Variants in CDH13 observed in about 807,000 individuals in gnomAD.
The protein encoded by CDH13 is cadherin 13, also known as cadherin-13.
A neutral mutation model predicts 63.8 loss-of-function variants in CDH13; 24 were observed. The observed-to-expected ratio is 0.38, with a 90% CI of 0.27 to 0.53. CDH13 has a LOEUF of 0.53. CDH13 is among the 20% of genes least tolerant of loss of function. The pLI, the probability that CDH13 is intolerant of heterozygous loss-of-function variation, is 0.85. For missense variants in CDH13, 1,049 were observed against 903.1 expected (o/e 1.16, Z -2.07); for synonymous variants, 503 against 355.3 (o/e 1.42, Z -4.67).
intron 6 of CDH13, among the ~76,000 whole-genome samples, chr16:83,352,838 C>G (rs563566649): frequency 8.5e-5 from 13 of 152,196 alleles, no homozygotes; most frequent in African/African-American, 2.9e-4. Flanking sequence ...TACAGTGAAC[C>G]GAGATCGTGA....
chr16:82,853,066 T>C (rs2039557825), intron 1 of CDH13, among the ~76,000 whole-genome samples: 1 of 152,210 alleles, frequency 6.6e-6, no homozygotes, highest in African/African-American at 2.4e-5. Flanking sequence ...GAGTGTGATT[T>C]AAGAATTTGC....
chr16:83,347,327 C>T (rs1406951458), intron 6 of CDH13, among the ~76,000 whole-genome samples: 2 of 133,528 alleles, frequency 1.5e-5, no homozygotes, highest in African/African-American at 5.7e-5. Flanking sequence ...ATTCGACACC[C>T]ACTGGGAGTA....
intron 6 of CDH13, among the ~76,000 whole-genome samples, chr16:83,388,377 C>T (rs1166709594): frequency 6.6e-6 from 1 of 151,984 alleles, no homozygotes; most frequent in Non-Finnish European, 1.5e-5. Flanking sequence ...CGCTTGGGCC[C>T]AGAAAGTCGA....
At chr16:82,992,276 C>T (rs1911743988) in intron 2 of CDH13, among the ~76,000 whole-genome samples, 1 of 152,172 alleles carries the variant, frequency 6.6e-6, no homozygotes, top group South Asian at 2.1e-4. Context: ...CTGAAATCAG[C>T]AGCTCTCAAA....
intron 6 of CDH13, among the ~76,000 whole-genome samples, chr16:83,390,283 G>C (rs1398012586): frequency 6.6e-6 from 1 of 152,100 alleles, no homozygotes. Flanking sequence ...TGCTTTCCTA[G>C]TATGGCCTGT....
chr16:83,433,681 A>G (rs1411321249), intron 6 of CDH13, among the ~76,000 whole-genome samples: 1 of 152,214 alleles, frequency 6.6e-6, no homozygotes, highest in Non-Finnish European at 1.5e-5. Flanking sequence ...TCTCAAGTCC[A>G]GTTGTGTGGA....
In CDH13 at chr16:83,798,601, C is replaced by G. The variant is rs467392; in HGVS notation, c.*3571C>G. ...CCTCCAGAACCAAACCTCAGGCTAT[C>G]TGGCTCCAGGGTTCATGTTCTTCCG... is the stretch of plus-strand genomic sequence containing the variant. On this transcript the variant is annotated 3_prime_UTR_variant, in exon 14 of 14. Transcript: ENST00000567109. The G allele has an allele frequency of 0.2, 30,045 of 152,118 alleles. 3,120 individuals are homozygous for G. The highest frequency in any genetic ancestry group is 0.23 in the South Asian group (1,127 of 4,824). The allele number at this position is 152,118 out of a possible 1,614,324, so 9.4% of individuals were successfully genotyped here.
chr16:83,432,482 G>A (rs755790504), intron 6 of CDH13, among the ~76,000 whole-genome samples: 8 of 152,192 alleles, frequency 5.3e-5, no homozygotes, highest in Non-Finnish European at 1.2e-4. Context: ...CGCTTGAGAT[G>A]TTCTTCTGGG....
At chr16:82,946,388 A>G (rs1448377439) in intron 2 of CDH13, among the ~76,000 whole-genome samples, 1 of 152,222 alleles carries the variant, frequency 6.6e-6, no homozygotes, top group South Asian at 2.1e-4. Flanking sequence ...AAGCACCCTG[A>G]TTAAACTTGT....
intron 5 of CDH13, among the ~76,000 whole-genome samples, chr16:83,341,111 A>T (rs11646099): frequency 0.12 from 17,753 of 152,242 alleles, 1,273 homozygotes; most frequent in South Asian, 0.17. Context: ...CAAGCATCAG[A>T]ATGCCTCCCT....
At chr16:83,033,698 A>C (rs1916590735) in intron 3 of CDH13, among the ~76,000 whole-genome samples, 1 of 152,182 alleles carries the variant, frequency 6.6e-6, no homozygotes, top group African/African-American at 2.4e-5. Flanking sequence ...ACTGCCATTC[A>C]GGCTTCCCGA....
intron 8 of CDH13, among the ~76,000 whole-genome samples, chr16:83,610,650 A>G (rs1174542062): frequency 6.6e-6 from 1 of 152,224 alleles, no homozygotes; most frequent in Non-Finnish European, 1.5e-5. Context: ...GTTGTTGCAC[A>G]TAGCCGTAAT....
chr16:82,998,022 A>G (rs1028641600), intron 2 of CDH13, among the ~76,000 whole-genome samples: 1 of 152,226 alleles, frequency 6.6e-6, no homozygotes, highest in Non-Finnish European at 1.5e-5. Flanking sequence ...GAGAAAGAGA[A>G]TCTCAGAGTT....
chr16:83,499,420 T>A (rs192324800), intron 7 of CDH13, among the ~76,000 whole-genome samples: 17 of 152,352 alleles, frequency 1.1e-4, no homozygotes, highest in Admixed American at 5.9e-4. Flanking sequence ...CGTCTTCAGA[T>A]CTGGGTTGCT....
intron 7 of CDH13, among the ~76,000 whole-genome samples, chr16:83,599,241 G>T (rs1374710172): frequency 6.6e-6 from 1 of 152,204 alleles, no homozygotes; most frequent in African/African-American, 2.4e-5. Flanking sequence ...GTTGAAGAAT[G>T]AATGCTATGA....
intron 8 of CDH13, among the ~76,000 whole-genome samples, chr16:83,634,117 C>CTGTGTGTG (rs1491184759): frequency 1.3e-3 from 102 of 77,064 alleles, no homozygotes; most frequent in African/African-American, 1.9e-3. Context: ...TGTGTGTTTT[C>CTGTGTGTG]TGTGTGTGTG....
chr16:83,175,125 A>G (rs1198280955), intron 4 of CDH13, among the ~76,000 whole-genome samples: 1 of 151,364 alleles, frequency 6.6e-6, no homozygotes, highest in African/African-American at 2.4e-5. Context: ...CAGTGTAGAT[A>G]TGAAACGTTT....
At chr16:83,327,871 G>T (rs866194437) in intron 5 of CDH13, among the ~76,000 whole-genome samples, 2 of 152,336 alleles carry the variant, frequency 1.3e-5, no homozygotes, top group East Asian at 3.9e-4. Flanking sequence ...AGTGGCTTAC[G>T]CCTGTAATCC....
chr16:82,960,212 A>G (rs1906762337), intron 2 of CDH13, among the ~76,000 whole-genome samples: 1 of 152,158 alleles, frequency 6.6e-6, no homozygotes, highest in African/African-American at 2.4e-5. Flanking sequence ...TGTGGCTGAG[A>G]TGATGAGAAG....
Sources: allele counts gnomAD v4.1 joint callset (sites outside exome capture counted in the v4.1 genomes callset), GRCh38; gene constraint gnomAD v4.1.1; transcripts MANE v1.5; gene names NCBI Gene and HGNC (gene_info 2026-07-23, HGNC 2026-07-21).